The following SND1 variants were observed in gnomAD, a reference collection of about 807,000 sequenced individuals.
SND1 encodes staphylococcal nuclease and tudor domain containing 1, also known as staphylococcal nuclease domain-containing protein 1.
SND1 carries 38 observed loss-of-function variants against 121.7 expected under a neutral mutation model. That is an observed-to-expected ratio of 0.31 (90% CI 0.24 to 0.41). SND1 has a LOEUF of 0.41. SND1 is among the 10% of genes least tolerant of loss of function. The pLI is 1.00. For synonymous variants in SND1, 401 were observed against 447.4 expected (o/e 0.90, Z 1.31); for missense variants, 868 against 1,184.6 (o/e 0.73, Z 3.92).
chr7:127,987,638 C>G (rs905865088), intron 15 of SND1, among the ~76,000 whole-genome samples: 1 of 152,202 alleles, frequency 6.6e-6, no homozygotes, highest in African/African-American at 2.4e-5. Context: ...TGCAAGAAAG[C>G]CATCAGGACC....
At chr7:127,779,210 G>C (rs1797674655) in intron 10 of SND1, among the ~76,000 whole-genome samples, 1 of 152,208 alleles carries the variant, frequency 6.6e-6, no homozygotes, top group African/African-American at 2.4e-5. Context: ...CACTAGAGCA[G>C]ATCATGAAAG....
intron 15 of SND1, among the ~76,000 whole-genome samples, chr7:127,938,016 A>G (rs771088208): frequency 3.9e-5 from 6 of 152,224 alleles, no homozygotes; most frequent in Non-Finnish European, 7.3e-5. Context: ...TTGAATTGCA[A>G]CTTAATGGAT....
At chr7:128,051,441 A>C (rs998633505) in intron 16 of SND1, among the ~76,000 whole-genome samples, 1 of 149,928 alleles carries the variant, frequency 6.7e-6, no homozygotes, top group African/African-American at 2.5e-5. Context: ...CTAGCTTGAC[A>C]GCAATTTACA....
At chr7:127,941,377 A>G (rs2116839525) in intron 15 of SND1, among the ~76,000 whole-genome samples, 1 of 152,236 alleles carries the variant, frequency 6.6e-6, no homozygotes, top group East Asian at 1.9e-4. Flanking sequence ...TAATATACTT[A>G]TTATACTCTG....
intron 3 of SND1, 118 bp from the exon 4 acceptor site, chr7:127,698,757 T>A (rs1472972174): frequency 1.3e-6 from 1 of 781,532 alleles, no homozygotes; most frequent in African/African-American, 1.7e-5. Context: ...CTGTGTCCAT[T>A]TCTCTGGCAG....
chr7:127,726,657 C>T lies in SND1; in HGVS notation c.1152+5257C>T, dbSNP rs571012340. Among the ~76,000 whole-genome samples the T allele has an allele frequency of 6.6e-5, 10 of 152,256 alleles. 1 individual carries two copies. In the South Asian group the frequency reaches 1.9e-3, roughly 28 times the overall value. On this transcript the variant is annotated intron_variant, in intron 10 of 23. Coordinates refer to ENST00000354725, the MANE Select transcript of SND1 (RefSeq NM_014390.4). ...CTCTATTGCCCAGGGCTGCTGTGGG[C>T]TTTGTGTTACACTTGGAGTGTTAAT...
Position 127,721,353 on chromosome 7 carries a change from C to G in SND1, c.1105C>G (p.His369Asp). ...KLNSGDYKTI[H>D]LSSIRPPRLE... ...GAACTCAGGCGATTACAAGACGATT[C>G]ACCTGTCCAGCATCCGACCACCGAG... The change falls in exon 10 of 24, where the codon CAC (histidine) becomes GAC (aspartate). Residue 369 changes from histidine to aspartate, a missense_variant. Coordinates refer to ENST00000354725, the MANE Select transcript of SND1 (RefSeq NM_014390.4). 6.2e-7 allele frequency: 1 copy of G among 1,613,188 alleles called. No homozygotes were observed. Among genetic ancestry groups the G allele is most frequent in the Non-Finnish European group, 8.5e-7 (1 of 1,179,738 alleles).
At chr7:127,907,369 C>T (rs1226231423) in intron 14 of SND1, among the ~76,000 whole-genome samples, 1 of 152,160 alleles carries the variant, frequency 6.6e-6, no homozygotes, top group Admixed American at 6.5e-5. Context: ...GGTGTGAGGT[C>T]AGATGGGCAG....
intron 16 of SND1, among the ~76,000 whole-genome samples, chr7:128,010,390 G>A (rs1034187020): frequency 6.6e-6 from 1 of 152,322 alleles, no homozygotes; most frequent in Admixed American, 6.5e-5. Context: ...TGGACTAAAT[G>A]ACCTGTGGGT....
At chr7:127,721,474 A>C in intron 10 of SND1, 74 bp downstream of exon 10, 1 of 792,902 alleles carries the variant, frequency 1.3e-6, no homozygotes, top group South Asian at 1.4e-5. Flanking sequence ...TTAATATATG[A>C]CATATATAAT....
At chr7:127,936,166 G>C (rs1801057425) in intron 15 of SND1, among the ~76,000 whole-genome samples, 1 of 152,110 alleles carries the variant, frequency 6.6e-6, no homozygotes, top group South Asian at 2.1e-4. Flanking sequence ...CTTAGGCTTG[G>C]CTGGTGAGCA....
chr7:127,825,029 G>A (rs879852261), intron 11 of SND1, among the ~76,000 whole-genome samples: 9 of 152,150 alleles, frequency 5.9e-5, no homozygotes, highest in Non-Finnish European at 1.3e-4. Context: ...ATTATATGTA[G>A]GGAATCTAAT....
chr7:127,865,467 G>T (rs769934930), intron 12 of SND1, among the ~76,000 whole-genome samples: 2 of 152,192 alleles, frequency 1.3e-5, no homozygotes, highest in Non-Finnish European at 2.9e-5. Flanking sequence ...GGAACTGGAT[G>T]TGTTCTTTGT....
intron 10 of SND1, among the ~76,000 whole-genome samples, chr7:127,758,691 A>G (rs1359502796): frequency 6.6e-6 from 1 of 152,264 alleles, no homozygotes; most frequent in East Asian, 1.9e-4. Flanking sequence ...CTAATATGTA[A>G]TCCATTTTGA....
intron 10 of SND1, among the ~76,000 whole-genome samples, chr7:127,793,072 A>G (rs569296307): frequency 1.6e-3 from 244 of 152,354 alleles, no homozygotes; most frequent in Non-Finnish European, 2.6e-3. Flanking sequence ...GGGCATAACT[A>G]CTAGATCCAA....
At chr7:127,905,464 T>C (rs1800315877) in intron 14 of SND1, among the ~76,000 whole-genome samples, 1 of 152,166 alleles carries the variant, frequency 6.6e-6, no homozygotes, top group Non-Finnish European at 1.5e-5. Flanking sequence ...AGTTTATTCA[T>C]TTAGTCAACA....
At chr7:127,751,449 A>T (rs1316151312) in intron 10 of SND1, among the ~76,000 whole-genome samples, 2 of 152,160 alleles carry the variant, frequency 1.3e-5, no homozygotes, top group East Asian at 3.8e-4. Flanking sequence ...CTGCCTGTGC[A>T]TTGCCCATTT....
At chr7:127,959,787 T>C (rs1249543687) in intron 15 of SND1, among the ~76,000 whole-genome samples, 1 of 152,214 alleles carries the variant, frequency 6.6e-6, no homozygotes, top group Non-Finnish European at 1.5e-5. Context: ...GTTTTGTTCA[T>C]TGCTATGTAT....
intron 10 of SND1, among the ~76,000 whole-genome samples, chr7:127,750,973 C>A (rs1797080441): frequency 6.6e-6 from 1 of 152,126 alleles, no homozygotes; most frequent in South Asian, 2.1e-4. Flanking sequence ...CTCTGGGATG[C>A]ATGTAATGAT....
Sources: allele counts gnomAD v4.1 joint callset (sites outside exome capture counted in the v4.1 genomes callset), GRCh38; gene constraint gnomAD v4.1.1; transcripts MANE v1.5; gene names NCBI Gene and HGNC (gene_info 2026-07-23, HGNC 2026-07-21).